The following PCSK6 variants were observed in gnomAD, a reference collection of about 807,000 sequenced individuals.
PCSK6 encodes paired basic amino acid cleaving enzyme 4.
A neutral mutation model predicts 123.3 loss-of-function variants in PCSK6; 85 were observed. The observed-to-expected ratio is 0.69, with a 90% CI of 0.58 to 0.83. The LOEUF (loss-of-function observed/expected upper bound fraction) is 0.83. PCSK6 is among the 40% of genes least tolerant of loss of function. The pLI is 0.00. For synonymous variants in PCSK6, 508 were observed against 516.0 expected, an observed-to-expected ratio of 0.98 and a Z score of 0.21; for missense variants, 1,191 against 1,282.3, an observed-to-expected ratio of 0.93 and a Z score of 1.09.
intron 1 of PCSK6, among the ~76,000 whole-genome samples, chr15:101,475,261 T>C (rs764243081): frequency 1.3e-5 from 2 of 152,286 alleles, no homozygotes; most frequent in Middle Eastern, 3.4e-3. Flanking sequence ...GGCAAACAAA[T>C]GGTGCTGCAG....
intron 13 of PCSK6, among the ~76,000 whole-genome samples, chr15:101,333,208 G>A (rs901876466): frequency 5.9e-5 from 9 of 152,126 alleles, no homozygotes; most frequent in Admixed American, 5.2e-4. Flanking sequence ...TGTTTAGAAG[G>A]TCATCACCCC....
intron 12 of PCSK6, among the ~76,000 whole-genome samples, chr15:101,367,675 G>A (rs1236327602): frequency 6.6e-6 from 1 of 152,340 alleles, no homozygotes; most frequent in Middle Eastern, 3.4e-3. Context: ...AACTGATAAA[G>A]CTGCTAAATT....
intron 1 of PCSK6, among the ~76,000 whole-genome samples, chr15:101,476,396 A>G (rs1025048562): frequency 3.9e-5 from 6 of 152,334 alleles, no homozygotes; most frequent in Admixed American, 2.6e-4. Context: ...CAGGTGTGGT[A>G]TAACAAAACA....
intron 1 of PCSK6, among the ~76,000 whole-genome samples, chr15:101,451,778 T>C (rs1227935039): frequency 6.6e-6 from 1 of 152,184 alleles, no homozygotes; most frequent in Non-Finnish European, 1.5e-5. Flanking sequence ...TCCCGGTTGG[T>C]TTGCTTAAGA....
chr15:101,404,820 G>T (rs949242518), intron 6 of PCSK6, among the ~76,000 whole-genome samples: 1 of 152,136 alleles, frequency 6.6e-6, no homozygotes, highest in Non-Finnish European at 1.5e-5. Context: ...GCCACCCGGG[G>T]GTCAAGACCA....
chr15:101,339,771 C>T (rs543825411), intron 13 of PCSK6, among the ~76,000 whole-genome samples: 19 of 152,090 alleles, frequency 1.2e-4, no homozygotes, highest in African/African-American at 3.9e-4. Context: ...ATTAGCCAGG[C>T]GTGGTGGTGT....
In PCSK6 at chr15:101,322,527, C is replaced by G; in HGVS notation, c.2458G>C (p.Gly820Arg). 6.2e-7 allele frequency: 1 copy of G among 1,612,062 alleles called. No individual in the cohort carries two copies. The highest frequency in any genetic ancestry group is 8.5e-7 in the Non-Finnish European group (1 of 1,178,242). Residue 820 changes from glycine (G) to arginine (R), a missense_variant, in exon 18 of 22, where the codon GGA becomes CGA. Coordinates refer to ENST00000611716, the MANE Select transcript of PCSK6 (RefSeq NM_002570.5). ...EPEKCTVCKE[G>R]FSLARGSCIP... ...GTTTCGAGGGGGTTTTACCTGAATCCTTCTTTACAGACAGTACATTTCTCA... is the reference window on the plus strand; with the variant it reads ...GTTTCGAGGGGGTTTTACCTGAATCGTTCTTTACAGACAGTACATTTCTCA...
chr15:101,435,059 T>C (rs933875152), intron 2 of PCSK6, among the ~76,000 whole-genome samples: 1 of 152,116 alleles, frequency 6.6e-6, no homozygotes, highest in Non-Finnish European at 1.5e-5. Context: ...CATACCTGGT[T>C]CCCGGCCAGG....
At chr15:101,334,798 A>G (rs2040440679) in intron 13 of PCSK6, among the ~76,000 whole-genome samples, 1 of 152,214 alleles carries the variant, frequency 6.6e-6, no homozygotes, top group Non-Finnish European at 1.5e-5. Flanking sequence ...GGGCTGCTCC[A>G]CACTCAGGGT....
intron 8 of PCSK6, among the ~76,000 whole-genome samples, chr15:101,389,914 C>A (rs1359143412): frequency 6.6e-6 from 1 of 152,156 alleles, no homozygotes; most frequent in Non-Finnish European, 1.5e-5. Context: ...AAGCCCTCAT[C>A]CCTGGGTCTG....
chr15:101,406,139 C>G (rs2042771888), intron 6 of PCSK6, among the ~76,000 whole-genome samples: 1 of 152,176 alleles, frequency 6.6e-6, no homozygotes, highest in South Asian at 2.1e-4. Flanking sequence ...CAGCACGAGA[C>G]ACAGCATTTC....
chr15:101,367,142 A>G (rs935168745), intron 12 of PCSK6, among the ~76,000 whole-genome samples: 4 of 152,122 alleles, frequency 2.6e-5, no homozygotes, highest in South Asian at 2.1e-4. Context: ...GTCTTTCCCA[A>G]CTGTACCCTT....
At chr15:101,465,270 C>T (rs369695355) in intron 1 of PCSK6, among the ~76,000 whole-genome samples, 245 of 152,246 alleles carry the variant, frequency 1.6e-3, no homozygotes, top group Middle Eastern at 6.8e-3. Flanking sequence ...CAGGGACACA[C>T]GCTGACCTCC....
At chr15:101,358,441 C>G (rs371384420) in intron 13 of PCSK6, among the ~76,000 whole-genome samples, 63 of 152,236 alleles carry the variant, frequency 4.1e-4, no homozygotes, top group African/African-American at 1.5e-3. Context: ...CTCTGGGTCA[C>G]TGGTGGCCCT....
chr15:101,441,720 C>T (rs1432843052), intron 2 of PCSK6, among the ~76,000 whole-genome samples: 1 of 152,208 alleles, frequency 6.6e-6, no homozygotes, highest in Non-Finnish European at 1.5e-5. Context: ...CCCGTCTCTT[C>T]TCAGAGCATG....
chr15:101,440,506 T>C (rs576772205), intron 2 of PCSK6, among the ~76,000 whole-genome samples: 2 of 152,358 alleles, frequency 1.3e-5, no homozygotes, highest in South Asian at 4.1e-4. Context: ...GTACATTCCA[T>C]CACTTATCAA....
At chr15:101,445,632 C>T (rs1010333589) in intron 1 of PCSK6, among the ~76,000 whole-genome samples, 4 of 152,220 alleles carry the variant, frequency 2.6e-5, no homozygotes, top group South Asian at 2.1e-4. Flanking sequence ...TATTTAGCTA[C>T]GGAGGCAATC....
chr15:101,382,168 G>A lies in PCSK6; in HGVS notation c.1456C>T (p.Leu486Phe), dbSNP rs754714376. 28 of 1,613,066 alleles carry A rather than the reference G, an allele frequency of 1.7e-5. No homozygotes were observed. The highest frequency in any genetic ancestry group is 7.7e-5 in the South Asian group (7 of 90,666). ...GTCCACTTCTTTGCCTCCACAACGA[G>A]AGCTTCTGCGTCCACCAAACCAAAT... Reference protein sequence around the residue: ...YGFGLVDAEALVVEAKKWTAV... With the variant: ...YGFGLVDAEAFVVEAKKWTAV... Residue 486 changes from leucine (L) to phenylalanine (F), a missense_variant, in exon 11 of 22, where the codon CTC becomes TTC. Physicochemically the swap from Leu to Phe is conservative, Grantham distance 22. Transcript: ENST00000611716.
chr15:101,397,087 G>A (rs1424130375), intron 7 of PCSK6, among the ~76,000 whole-genome samples: 1 of 152,112 alleles, frequency 6.6e-6, no homozygotes, highest in African/African-American at 2.4e-5. Context: ...ATGCAGTGTA[G>A]GCCTGACGCC....
Sources: gnomAD v4.1 joint callset for allele counts (sites outside exome capture counted in the v4.1 genomes callset) on GRCh38, gnomAD v4.1.1 for gene constraint, MANE v1.5 for transcripts, NCBI Gene and HGNC (gene_info 2026-07-23, HGNC 2026-07-21) for gene names.